The following GPD2 variants were observed in gnomAD, a reference collection of about 807,000 sequenced individuals.
The protein encoded by GPD2 is glycerol-3-phosphate dehydrogenase 2, also known as glycerol-3-phosphate dehydrogenase, mitochondrial.
In GPD2, 54 loss-of-function variants were observed where a neutral mutation model predicts 82.4. That is an observed-to-expected ratio of 0.66 (90% CI 0.53 to 0.82). The LOEUF (loss-of-function observed/expected upper bound fraction) is 0.82. Ranked by LOEUF, GPD2 falls within the 40% of genes least tolerant of loss-of-function variation. The probability of loss-of-function intolerance (pLI) is 0.00; values close to 1 mark genes in which losing one functional copy is unlikely to be tolerated. For synonymous variants in GPD2, 288 were observed against 306.1 expected, an observed-to-expected ratio of 0.94 and a Z score of 0.62; for missense variants, 748 against 896.2, an observed-to-expected ratio of 0.83 and a Z score of 2.11.
Position 156,569,494 on chromosome 2 carries a change from A to G in GPD2, c.1432A>G (p.Thr478Ala), listed in dbSNP as rs1300998000. 5 of 1,613,070 alleles carry G rather than the reference A, an allele frequency of 3.1e-6. No homozygotes were observed. The highest frequency in any genetic ancestry group is 1.3e-5 in the African/African-American group (1 of 74,864). ...FLQGGKDWSP[T>A]LYIRLVQDYG... ...TCAAGGGGGTAAAGATTGGAGCCCC[A>G]CACTCTACATTAGGCTTGTGCAGGA... Residue 478 changes from threonine to alanine, a missense_variant, in exon 11 of 17, where the codon ACA (threonine) becomes GCA (alanine). Physicochemically the swap from Thr to Ala is moderately conservative, Grantham distance 58 (BLOSUM62 0). Transcript: ENST00000438166.
intron 7 of GPD2, 72 bp downstream of exon 7, chr2:156,549,844 T>G (rs1050595917): frequency 7.3e-6 from 8 of 1,094,242 alleles, no homozygotes; most frequent in Non-Finnish European, 1.1e-5. Flanking sequence ...GAATTATAAT[T>G]TTTCTGTCAC....
At chr2:156,485,382 T>C (rs1237832322) in intron 2 of GPD2, among the ~76,000 whole-genome samples, 1 of 152,252 alleles carries the variant, frequency 6.6e-6, no homozygotes, top group African/African-American at 2.4e-5. Flanking sequence ...CATGGCTTTC[T>C]AGGGCTTGCA....
chr2:156,495,238 A>T (rs1215276006), intron 2 of GPD2, among the ~76,000 whole-genome samples: 4 of 152,014 alleles, frequency 2.6e-5, no homozygotes, highest in African/African-American at 9.7e-5. Context: ...AGTCCCAGCT[A>T]CTCTGTAGGC....
At chr2:156,490,403 A>AT (rs1162836561) in intron 2 of GPD2, among the ~76,000 whole-genome samples, 5 of 149,446 alleles carry the variant, frequency 3.3e-5, no homozygotes, top group East Asian at 3.9e-4. Flanking sequence ...AAAAAAAAAC[A>AT]AAAATAAAAT....
intron 6 of GPD2, among the ~76,000 whole-genome samples, chr2:156,535,825 A>G (rs1686056391): frequency 6.6e-6 from 1 of 152,178 alleles, no homozygotes; most frequent in African/African-American, 2.4e-5. Context: ...GCGGTGTTAG[A>G]GATATAAACC....
At chr2:156,448,009 T>C (rs1682427837) in intron 1 of GPD2, among the ~76,000 whole-genome samples, 1 of 152,226 alleles carries the variant, frequency 6.6e-6, no homozygotes, top group African/African-American at 2.4e-5. Context: ...TTTCCCATGC[T>C]ATTCCTTTCC....
the GPD2 span, among the ~76,000 whole-genome samples, chr2:156,425,276 T>G: frequency 3.9e-4 from 60 of 152,096 alleles, no homozygotes; most frequent in Non-Finnish European, 4.6e-4. Flanking sequence ...TTTTTTTATT[T>G]TACTTTTTGT....
At chr2:156,535,938 A>G (rs1387031555) in intron 6 of GPD2, among the ~76,000 whole-genome samples, 5 of 152,208 alleles carry the variant, frequency 3.3e-5, no homozygotes, top group East Asian at 3.8e-4. Context: ...AGGCATGTCA[A>G]TTGCAACCTG....
At chr2:156,496,877 A>T (rs1375734129) in intron 3 of GPD2, among the ~76,000 whole-genome samples, 1 of 152,220 alleles carries the variant, frequency 6.6e-6, no homozygotes, top group Non-Finnish European at 1.5e-5. Flanking sequence ...CTTCAGTGAA[A>T]TATGGACTGC....
At chr2:156,489,447 T>C (rs533414030) in intron 2 of GPD2, among the ~76,000 whole-genome samples, 1 of 152,330 alleles carries the variant, frequency 6.6e-6, no homozygotes, top group Admixed American at 6.5e-5. Flanking sequence ...TTTAGCTGCA[T>C]GTTCCAAGAA....
At chr2:156,512,187 TG>T (rs1685022046) in intron 4 of GPD2, 32 bp from the exon 5 acceptor site, 1 of 1,035,020 alleles carries the variant, frequency 9.7e-7, no homozygotes. Context: ...GATCTGTTAC[TG>T]CCAAACTAAT....
the GPD2 span, among the ~76,000 whole-genome samples, chr2:156,407,603 T>A: frequency 6.6e-6 from 1 of 152,218 alleles, no homozygotes; most frequent in Non-Finnish European, 1.5e-5. Context: ...AGAACCTAGC[T>A]GTAATTGTAA....
chr2:156,445,046 G>C (rs1682319680), intron 1 of GPD2, among the ~76,000 whole-genome samples: 1 of 152,190 alleles, frequency 6.6e-6, no homozygotes, highest in Non-Finnish European at 1.5e-5. Flanking sequence ...CCTGTGCCTG[G>C]CCAGATTCAC....
chr2:156,511,831 T>C (rs1297540649), intron 4 of GPD2, among the ~76,000 whole-genome samples: 1 of 152,218 alleles, frequency 6.6e-6, no homozygotes, highest in Non-Finnish European at 1.5e-5. Context: ...CTTGGTTTCA[T>C]GAAGGCAAGA....
intron 1 of GPD2, among the ~76,000 whole-genome samples, chr2:156,473,049 A>G (rs907267145): frequency 2.0e-5 from 3 of 152,246 alleles, no homozygotes; most frequent in African/African-American, 4.8e-5. Context: ...ATTCATAACA[A>G]TAACAACACT....
intron 16 of GPD2, among the ~76,000 whole-genome samples, chr2:156,582,256 G>A (rs1688052019): frequency 6.6e-6 from 1 of 151,982 alleles, no homozygotes; most frequent in Non-Finnish European, 1.5e-5. Context: ...GGGCTGTAGA[G>A]TGCTTTTAAT....
At chr2:156,528,888 G>A (rs532242382) in intron 6 of GPD2, among the ~76,000 whole-genome samples, 12 of 152,200 alleles carry the variant, frequency 7.9e-5, no homozygotes, top group East Asian at 5.8e-4. Context: ...GAATAATGCC[G>A]CAGTAAACAT....
intron 9 of GPD2, among the ~76,000 whole-genome samples, chr2:156,561,912 A>G (rs1216355150): frequency 6.6e-6 from 1 of 152,196 alleles, no homozygotes; most frequent in Non-Finnish European, 1.5e-5. Flanking sequence ...TGGGAATAAG[A>G]CCATGTCTTC....
intron 1 of GPD2, among the ~76,000 whole-genome samples, chr2:156,460,376 C>T (rs1682948257): frequency 6.6e-6 from 1 of 152,144 alleles, no homozygotes; most frequent in Non-Finnish European, 1.5e-5. Flanking sequence ...GCTCTTCAGT[C>T]TCCAATAGGG....
Sources: gnomAD v4.1 joint callset for allele counts (sites outside exome capture counted in the v4.1 genomes callset) on GRCh38, gnomAD v4.1.1 for gene constraint, MANE v1.5 for transcripts, NCBI Gene and HGNC (gene_info 2026-07-23, HGNC 2026-07-21) for gene names.